TBC1D21: variants seen among roughly 807,000 people sequenced by gnomAD.
TBC1D21 encodes TBC1 domain family member 21, also known as male germ cell Rab GTPase-activating protein.
Under a neutral mutation model 46.0 loss-of-function variants are expected in TBC1D21, and 38 were observed. The observed-to-expected ratio is 0.83, with a 90% CI of 0.64 to 1.08. TBC1D21 has a LOEUF of 1.08. Ranked by LOEUF, TBC1D21 falls within the 50% of genes least tolerant of loss-of-function variation. The pLI is 0.00. For synonymous variants in TBC1D21, 151 were observed against 157.2 expected (o/e 0.96, Z 0.29); for missense variants, 415 against 417.9 (o/e 0.99, Z 0.06).
At chr15:73,903,691 T>C in the TBC1D21 span, among the ~76,000 whole-genome samples, 1,252 of 152,284 alleles carry the variant, frequency 8.2e-3, 16 homozygotes, top group African/African-American at 0.029. Context: ...CTTCACTCAG[T>C]ATTCAAGACC....
At chr15:73,895,440 T>C in the TBC1D21 span, among the ~76,000 whole-genome samples, 4 of 152,154 alleles carry the variant, frequency 2.6e-5, no homozygotes, top group African/African-American at 7.2e-5. Context: ...TACCCTCCCA[T>C]CTTAGAGCCC....
At chr15:73,901,179 G>A in the TBC1D21 span, among the ~76,000 whole-genome samples, 54 of 152,214 alleles carry the variant, frequency 3.5e-4, no homozygotes, top group Admixed American at 6.5e-4. Context: ...GAGCATGGCC[G>A]AGGGCTCAAA....
chr15:73,906,360 G>A, the TBC1D21 span, among the ~76,000 whole-genome samples: 1 of 152,124 alleles, frequency 6.6e-6, no homozygotes, highest in Non-Finnish European at 1.5e-5. Context: ...ATGTGTCTCC[G>A]TGGGGTATGA....
downstream of TBC1D21, among the ~76,000 whole-genome samples, chr15:73,893,823 C>T (rs2068355405): frequency 1.3e-5 from 2 of 152,196 alleles, no homozygotes; most frequent in African/African-American, 4.8e-5. Flanking sequence ...CTAGGAAGGG[C>T]CTCCACTGCC....
rs778596939 is a variant in TBC1D21 at position 73,886,591 on chromosome 15, T to G, written c.756T>G (p.Asp252Glu). 2 of 1,613,456 alleles carry G rather than the reference T, an allele frequency of 1.2e-6. No individual in the cohort carries two copies. Among genetic ancestry groups the G allele is most frequent in the Non-Finnish European group, 1.7e-6 (2 of 1,180,028 alleles). ...FCFQRAFKSF[D>E]DVWRLWEVLL... is the part of the protein sequence containing the mutation. ...TCCAGCGTGCCTTCAAGTCCTTCGA[T>G]GATGTCTGGAGGCTCTGGGAGGTGA... The change falls in exon 8 of 11, where the codon GAT (aspartate) becomes GAG (glutamate). Residue 252 changes from aspartate to glutamate, a missense_variant. By Grantham distance (45) the Asp-to-Glu change is conservative. Transcript: ENST00000300504.
chr15:73,901,297 C>T, the TBC1D21 span, among the ~76,000 whole-genome samples: 1 of 152,202 alleles, frequency 6.6e-6, no homozygotes, highest in African/African-American at 2.4e-5. Context: ...AGTCCCTGGG[C>T]CAGGCTCTCT....
downstream of TBC1D21, among the ~76,000 whole-genome samples, chr15:73,890,839 T>C (rs1185897800): frequency 6.6e-6 from 1 of 152,186 alleles, no homozygotes; most frequent in African/African-American, 2.4e-5. Flanking sequence ...GAAGTTTGGG[T>C]GCAGATCCCA....
intron 1 of TBC1D21, among the ~76,000 whole-genome samples, chr15:73,874,449 ATGTT>A (rs1385495568): frequency 2.0e-4 from 31 of 152,334 alleles, no homozygotes; most frequent in African/African-American, 7.5e-4. Context: ...TGTACGATGA[ATGTT>A]CTAAATGCTT....
chr15:73,909,155 T>C, the TBC1D21 span, among the ~76,000 whole-genome samples: 1 of 152,160 alleles, frequency 6.6e-6, no homozygotes, highest in Non-Finnish European at 1.5e-5. Context: ...GCAGATCACT[T>C]GAGGTCAGCA....
At chr15:73,877,554 A>ACACT in intron 1 of TBC1D21, among the ~76,000 whole-genome samples, 1 of 31,416 alleles carries the variant, frequency 3.2e-5, no homozygotes, top group Non-Finnish European at 8.1e-5. Flanking sequence ...AAAAAAAGAA[A>ACACT]TCCCTACTCA....
intron 10 of TBC1D21, 24 bp from the exon 11 acceptor site, chr15:73,889,045 A>G: frequency 6.2e-7 from 1 of 1,612,816 alleles, no homozygotes; most frequent in Non-Finnish European, 8.5e-7. Context: ...ATGTCTGTGC[A>G]CCTCCCACCT....
At chr15:73,905,634 T>G in the TBC1D21 span, among the ~76,000 whole-genome samples, 1 of 152,208 alleles carries the variant, frequency 6.6e-6, no homozygotes, top group Non-Finnish European at 1.5e-5. Flanking sequence ...ACCATGGAAA[T>G]TGGCAACTGC....
chr15:73,888,660 T>TTCCTCCTCCTCTTCC lies in TBC1D21; in HGVS notation c.978+168_978+182dup, dbSNP rs1300098566. The TTCCTCCTCCTCTTCC allele has an allele frequency of 4.2e-5, 25 of 590,130 alleles. 1 individual carries two copies. The highest frequency in any genetic ancestry group is 2.3e-4 in the African/African-American group (11 of 46,868). The allele number at this position is 590,130 out of a possible 1,614,324, so 36.6% of individuals were successfully genotyped here. ...CCTCTTCTTCTTCCTCCTCCTCTTC[T>TTCCTCCTCCTCTTCC]TCCTCCTCCTCTTCCTCCTCCTCCT... On this transcript the variant is annotated intron_variant, in intron 10 of 10. Transcript: ENST00000300504.
At chr15:73,886,688 C>T (rs1219731084) in intron 8 of TBC1D21, 76 bp downstream of exon 8, 11 of 1,352,760 alleles carry the variant, frequency 8.1e-6, no homozygotes, top group Non-Finnish European at 1.1e-5. Flanking sequence ...TCTTCCTTGC[C>T]TCCCCCTTTC....
chr15:73,907,926 C>T, the TBC1D21 span: 3 of 152,206 alleles, frequency 2.0e-5, no homozygotes, highest in African/African-American at 7.2e-5. Flanking sequence ...AGCTTCTAGC[C>T]CAGGCCTGTA....
Position 73,884,893 on chromosome 15 carries a change from T to A in TBC1D21, c.478+2T>A. On this transcript the variant is annotated splice_donor_variant, in intron 5 of 10. Coordinates refer to ENST00000300504, the MANE Select transcript of TBC1D21 (RefSeq NM_153356.3). LOFTEE classifies it high-confidence loss of function. The stretch of plus-strand genomic sequence containing the variant: ...GTTACGTCTGCAACACGCAGGCAGG[T>A]GAGCCTCAGCCTCCCCTTGTCAATG... 6.2e-7 allele frequency: 1 copy of A among 1,613,416 alleles called. No homozygotes were observed. Among genetic ancestry groups the A allele is most frequent in the Non-Finnish European group, 8.5e-7 (1 of 1,179,442 alleles).
chr15:73,898,902 T>TATATATATATATATATATAC, the TBC1D21 span, among the ~76,000 whole-genome samples: 34 of 112,824 alleles, frequency 3.0e-4, no homozygotes, highest in African/African-American at 7.7e-4. Context: ...TATATATATA[T>TATATATATATATATATATAC]ACACACACAC....
intron 1 of TBC1D21, among the ~76,000 whole-genome samples, chr15:73,875,904 A>G (rs2068051049): frequency 6.6e-6 from 1 of 152,346 alleles, no homozygotes; most frequent in Admixed American, 6.5e-5. Flanking sequence ...TGATTTGAGA[A>G]GCCACTGTGT....
chr15:73,897,996 T>A, the TBC1D21 span, among the ~76,000 whole-genome samples: 1 of 152,118 alleles, frequency 6.6e-6, no homozygotes, highest in Non-Finnish European at 1.5e-5. Flanking sequence ...CTCAGTGTAG[T>A]TCCGTGTGAT....
Sources: gnomAD v4.1 joint callset for allele counts (sites outside exome capture counted in the v4.1 genomes callset) on GRCh38, gnomAD v4.1.1 for gene constraint, MANE v1.5 for transcripts, NCBI Gene and HGNC (gene_info 2026-07-23, HGNC 2026-07-21) for gene names.